TUBB6: variants seen among roughly 807,000 people sequenced by gnomAD.
TUBB6 encodes the protein tubulin beta-6 chain.
Under a neutral mutation model 32.3 loss-of-function variants are expected in TUBB6, and 18 were observed. The ratio of observed to expected loss-of-function variants is 0.56; its 90% CI spans 0.39 to 0.83. The LOEUF (loss-of-function observed/expected upper bound fraction) is 0.83, where lower values mean the gene tolerates loss of function less well. TUBB6 is among the 40% of genes least tolerant of loss of function. The pLI is 0.00. For synonymous variants in TUBB6, 280 were observed against 265.8 expected, an observed-to-expected ratio of 1.05 and a Z score of -0.52; for missense variants, 480 against 632.0, an observed-to-expected ratio of 0.76 and a Z score of 2.58.
chr18:12,311,724 G>A lies in TUBB6; in HGVS notation c.277+671G>A, dbSNP rs565933537. 3.3e-5 allele frequency among the ~76,000 whole-genome samples: 5 copies of A among 152,196 alleles called. No homozygotes were observed. The South Asian group carries it at 6.2e-4, about 19-fold the overall frequency. On this transcript the variant is annotated intron_variant, in intron 3 of 3. Transcript: ENST00000317702. ...CCTATATTGGTTTTATCAGAATTAG[G>A]TAAATCCTTTTTTTCTTGCTTCTTC...
At chr18:12,308,425 C>A in intron 1 of TUBB6, 76 bp downstream of exon 1, 1 of 1,159,576 alleles carries the variant, frequency 8.6e-7, no homozygotes, top group Non-Finnish European at 1.1e-6. Flanking sequence ...GCGACCCCCG[C>A]CGGGGCGCGC....
At chr18:12,319,713 G>A (rs960841726) in intron 3 of TUBB6, among the ~76,000 whole-genome samples, 3 of 152,200 alleles carry the variant, frequency 2.0e-5, no homozygotes, top group Admixed American at 6.5e-5. Context: ...CAGCACTTTG[G>A]GAGGCCAAGA....
downstream of TUBB6, among the ~76,000 whole-genome samples, chr18:12,328,198 AGCATGCATGGCCTGGGGCCATG>A (rs1178279680): frequency 6.6e-6 from 1 of 152,232 alleles, no homozygotes; most frequent in Admixed American, 6.5e-5. Context: ...CCATGGGTGG[AGCATGCATGGCCTGGGGCCATG>A]GCAGGGATGC....
At chr18:12,324,741 GC>G in intron 3 of TUBB6, 1 of 1,255,472 alleles carries the variant, frequency 8.0e-7, no homozygotes. Context: ...ATGAGCCACG[GC>G]GCCCGGCCAG....
chr18:12,328,068 G>A (rs574478231), downstream of TUBB6, among the ~76,000 whole-genome samples: 28 of 152,362 alleles, frequency 1.8e-4, no homozygotes, highest in South Asian at 5.2e-3. Context: ...GGCAATGCCT[G>A]CAGGTGCAAA....
intron 3 of TUBB6, among the ~76,000 whole-genome samples, chr18:12,318,453 G>C (rs4797675): frequency 2.7e-4 from 40 of 148,710 alleles, no homozygotes; most frequent in African/African-American, 9.3e-4. Flanking sequence ...ACAAGGAAAC[G>C]GCCACCTGAG....
chr18:12,311,522 G>A (rs886201871), intron 3 of TUBB6, among the ~76,000 whole-genome samples: 3 of 152,250 alleles, frequency 2.0e-5, no homozygotes, highest in South Asian at 2.1e-4. Flanking sequence ...GCTGGAACCC[G>A]GGAGGTAGAG....
rs764785775 is a variant in TUBB6, at chr18:12,325,354, G to T, written c.565G>T (p.Val189Leu). The T allele has an allele frequency of 1.2e-6, 2 of 1,614,202 alleles. No homozygotes were observed. The highest frequency in any genetic ancestry group is 1.7e-6 in the Non-Finnish European group (2 of 1,180,028). Residue 189 changes from valine to leucine, a missense_variant, in exon 4 of 4, where the codon GTG (valine) becomes TTG (leucine). Physicochemically the swap from Val to Leu is conservative, Grantham distance 32 (BLOSUM62 1). Coordinates refer to ENST00000317702, the MANE Select transcript of TUBB6 (RefSeq NM_032525.3). ...GGAGCCCTACAATGCCACACTGTCG[G>T]TGCACCAGCTGGTGGAGAATACAGA... Reference protein sequence around the residue: ...VVEPYNATLSVHQLVENTDET... With the variant: ...VVEPYNATLSLHQLVENTDET...
Position 12,308,255 on chromosome 18 carries a change from T to C in TUBB6, c.-38T>C. 7.2e-7 allele frequency: 1 copy of C among 1,386,870 alleles called. No individual in the cohort carries two copies. The highest frequency in any genetic ancestry group is 9.4e-7 in the Non-Finnish European group (1 of 1,062,068). The allele number at this position is 1,386,870 out of a possible 1,614,324, so 85.9% of individuals were successfully genotyped here. ...AGCCGGCCCGCAGTTGCCGCTGTCG[T>C]CCGCAGAGCCAGTTCCTAGCGCAGA... On this transcript the variant is annotated 5_prime_UTR_variant, in exon 1 of 4. Transcript: ENST00000317702.
chr18:12,328,572 C>T (rs1397733916), downstream of TUBB6, among the ~76,000 whole-genome samples: 1 of 152,338 alleles, frequency 6.6e-6, no homozygotes, highest in East Asian at 1.9e-4. Context: ...CAGCTTAGTT[C>T]CACTGTTCCT....
rs1907275215 is a variant in TUBB6 at position 12,325,756 on chromosome 18, A to G, written c.967A>G (p.Met323Val). 8 of 1,614,228 alleles carry G rather than the reference A, an allele frequency of 5.0e-6. No individual in the cohort carries two copies. Among genetic ancestry groups the G allele is most frequent in the Non-Finnish European group, 6.8e-6 (8 of 1,180,026 alleles). The part of the protein sequence containing the change: ...VATVFRGPMS[M>V]KEVDEQMLAI... ...CACCGTGTTCCGCGGGCCCATGTCC[A>G]TGAAGGAGGTGGACGAGCAGATGCT... The change falls in exon 4 of 4, where the codon ATG becomes GTG. Residue 323 changes from methionine to valine, a missense_variant. By Grantham distance (21) the Met-to-Val change is conservative. Coordinates refer to ENST00000317702, the MANE Select transcript of TUBB6 (RefSeq NM_032525.3).
intron 1 of TUBB6, 53 bp downstream of exon 1, chr18:12,308,402 C>T: frequency 1.6e-6 from 2 of 1,274,382 alleles, no homozygotes; most frequent in East Asian, 3.4e-5. Flanking sequence ...TGGCGGGCCC[C>T]GGGTCTCCCG....
In TUBB6 at chr18:12,318,018, C is replaced by T. The variant is rs556920596; in HGVS notation, c.277+6965C>T. On this transcript the variant is annotated intron_variant, in intron 3 of 3. Transcript: ENST00000317702. Reference sequence around the variant, plus strand: ...CAGAGGGAGTCAAGTTCAGCATCTCCGTCCACTTACAGCTAGCTCAGGTCT... The same window carrying T: ...CAGAGGGAGTCAAGTTCAGCATCTCTGTCCACTTACAGCTAGCTCAGGTCT... Among the ~76,000 whole-genome samples, 220 of 152,234 alleles carry T rather than the reference C, an allele frequency of 1.4e-3. 1 individual carries two copies. Among genetic ancestry groups the T allele is most frequent in the African/African-American group, 4.8e-3 (199 of 41,506 alleles).
chr18:12,324,684 C>T (rs1273169137), intron 3 of TUBB6: 1 of 837,010 alleles, frequency 1.2e-6, no homozygotes, highest in Non-Finnish European at 1.6e-6. Flanking sequence ...CTCCTGACTT[C>T]AAGTGATCCA....
chr18:12,308,171 C>G, upstream of TUBB6: 4 of 556,230 alleles, frequency 7.2e-6, no homozygotes, highest in Non-Finnish European at 9.3e-6. Flanking sequence ...GGGCCCGCAG[C>G]CATTGGCGAG....
Position 12,308,362 on chromosome 18 carries a change from C to A in TUBB6, c.57+13C>A. 1 of 1,434,702 alleles carries A rather than the reference C, an allele frequency of 7.0e-7. No homozygotes were observed. The highest frequency in any genetic ancestry group is 9.2e-7 in the Non-Finnish European group (1 of 1,090,070). The allele number at this position is 1,434,702 out of a possible 1,614,324, so 88.9% of individuals were successfully genotyped here. A position where few individuals can be genotyped will look rare whatever the true frequency, so the allele number is the denominator to read the frequency against. On this transcript the variant is annotated intron_variant, in intron 1 of 3. Coordinates refer to ENST00000317702, the MANE Select transcript of TUBB6 (RefSeq NM_032525.3). ...GATCGGCACCAAGGTGGGCCTGGCG[C>A]GGTGCAGGGCCTCTCCGCGGGTCGG...
At position 12,326,284 on chromosome 18, in the gene TUBB6, T is replaced by C; in HGVS notation, c.*154T>C. On this transcript the variant is annotated 3_prime_UTR_variant, in exon 4 of 4. Transcript: ENST00000317702. Reference sequence around the variant, plus strand: ...CAGCCAAGTCATGTAATTAGTCATCTGGAACAAAGACTAAAAACAGCAGAG... The same window carrying C: ...CAGCCAAGTCATGTAATTAGTCATCCGGAACAAAGACTAAAAACAGCAGAG... 1 of 1,168,780 alleles carries C rather than the reference T, an allele frequency of 8.6e-7. No individual in the cohort carries two copies. Among genetic ancestry groups the C allele is most frequent in the East Asian group, 2.6e-5 (1 of 38,692 alleles). The allele number at this position is 1,168,780 out of a possible 1,614,324, so 72.4% of individuals were successfully genotyped here. A position where few individuals can be genotyped will look rare whatever the true frequency, so the allele number is the denominator to read the frequency against.
chr18:12,312,609 A>C (rs963984615), intron 3 of TUBB6, among the ~76,000 whole-genome samples: 1 of 152,226 alleles, frequency 6.6e-6, no homozygotes, highest in South Asian at 2.1e-4. Flanking sequence ...AACATTAAGA[A>C]GTCTACTAAT....
In TUBB6 at chr18:12,326,434, A is replaced by G. The variant is rs1907337330; in HGVS notation, c.*304A>G. The G allele has an allele frequency of 2.9e-6, 1 of 349,488 alleles. No homozygotes were observed. 21.6% of individuals were successfully genotyped at this position (349,488 alleles called of 1,614,324 possible). A position where few individuals can be genotyped will look rare whatever the true frequency, so the allele number is the denominator to read the frequency against. ...ATTAAGTGTTCAAGCATGTCTGCAA[A>G]TTAGGAGGGAGTTAGAAACAGTCTT... On this transcript the variant is annotated 3_prime_UTR_variant, in exon 4 of 4. Transcript: ENST00000317702.
Sources: allele counts gnomAD v4.1 joint callset (sites outside exome capture counted in the v4.1 genomes callset), GRCh38; gene constraint gnomAD v4.1.1; transcripts MANE v1.5; gene names NCBI Gene and HGNC (gene_info 2026-07-23, HGNC 2026-07-21).